The following KALRN variants were observed in gnomAD, a reference collection of about 807,000 sequenced individuals.
The protein encoded by KALRN is kalirin RhoGEF kinase.
A neutral mutation model predicts 353.7 loss-of-function variants in KALRN; 70 were observed. The ratio of observed to expected loss-of-function variants is 0.20; its 90% CI spans 0.16 to 0.24. The LOEUF is 0.24. Ranked by LOEUF, KALRN falls within the 10% of genes least tolerant of loss-of-function variation. The probability of loss-of-function intolerance (pLI) is 1.00; values close to 1 mark genes in which losing one functional copy is unlikely to be tolerated. For synonymous variants in KALRN, 1,391 were observed against 1,434.8 expected (o/e 0.97, Z 0.69); for missense variants, 2,791 against 3,756.7 (o/e 0.74, Z 6.72).
In KALRN at chr3:124,464,374, A is replaced by G. The variant is rs138406183; in HGVS notation, c.4031+1741A>G. Among the ~76,000 whole-genome samples, 581 of 152,356 alleles carry G rather than the reference A, an allele frequency of 3.8e-3. 1 individual carries two copies. The highest frequency in any genetic ancestry group is 6.8e-3 in the Middle Eastern group (2 of 294). On this transcript the variant is annotated intron_variant, in intron 25 of 59. Transcript: ENST00000682506. ...TTGATCACTTGTAACAAAATAGCTA[A>G]CATAATCATGCCTCTTATTCTGCTG...
chr3:124,546,553 G>A (rs1561263226), intron 33 of KALRN, among the ~76,000 whole-genome samples: 2 of 152,306 alleles, frequency 1.3e-5, no homozygotes, highest in South Asian at 4.1e-4. Flanking sequence ...ATAGAAGAGG[G>A]TTGTTGTGGA....
chr3:124,256,488 C>A (rs556747859), intron 3 of KALRN, among the ~76,000 whole-genome samples: 48 of 152,226 alleles, frequency 3.2e-4, no homozygotes, highest in African/African-American at 1.1e-3. Flanking sequence ...TAAGCCTTCT[C>A]CAAAGACATA....
At chr3:124,228,890 C>T (rs1409241465) in intron 2 of KALRN, among the ~76,000 whole-genome samples, 1 of 150,940 alleles carries the variant, frequency 6.6e-6, no homozygotes, top group Non-Finnish European at 1.5e-5. Flanking sequence ...TGCTGACATT[C>T]CTTGGCTTGT....
chr3:124,358,203 T>A (rs1262504549), intron 10 of KALRN, among the ~76,000 whole-genome samples: 2 of 152,112 alleles, frequency 1.3e-5, no homozygotes, highest in Non-Finnish European at 2.9e-5. Flanking sequence ...TAAAAAAAAA[T>A]TCAGATGAAG....
chr3:124,279,406 G>A (rs546647121), intron 5 of KALRN, among the ~76,000 whole-genome samples: 2 of 152,338 alleles, frequency 1.3e-5, no homozygotes, highest in Admixed American at 6.5e-5. Context: ...ATAGACTTGT[G>A]CTGGCCCATG....
intron 5 of KALRN, among the ~76,000 whole-genome samples, chr3:124,284,195 A>G (rs1033076274): frequency 1.3e-4 from 20 of 152,304 alleles, no homozygotes; most frequent in Admixed American, 1.2e-3. Flanking sequence ...AAATGCCTGT[A>G]TATCTGGGAG....
At chr3:124,133,871 AATC>A (rs2065603874) in intron 1 of KALRN, among the ~76,000 whole-genome samples, 1 of 152,212 alleles carries the variant, frequency 6.6e-6, no homozygotes, top group South Asian at 2.1e-4. Flanking sequence ...TGCTGAAAGA[AATC>A]ATAGATGACA....
At chr3:124,519,622 G>T (rs183000669) in intron 33 of KALRN, 1 of 985,386 alleles carries the variant, frequency 1.0e-6, no homozygotes, top group Admixed American at 6.1e-5. Context: ...CAATCTTATT[G>T]TGAGGATGTG....
At chr3:124,634,145 G>C (rs1346735050) in intron 36 of KALRN, among the ~76,000 whole-genome samples, 192 bp downstream of exon 36, 1 of 152,072 alleles carries the variant, frequency 6.6e-6, no homozygotes, top group Non-Finnish European at 1.5e-5. Flanking sequence ...CTTCATTCTA[G>C]GCAGTGGAGG....
intron 33 of KALRN, among the ~76,000 whole-genome samples, chr3:124,561,432 A>G (rs1252784208): frequency 6.6e-6 from 1 of 152,188 alleles, no homozygotes; most frequent in Non-Finnish European, 1.5e-5. Context: ...AGTCTGATGC[A>G]TTATTTTAAC....
chr3:124,614,329 C>G (rs1410614897), intron 34 of KALRN, among the ~76,000 whole-genome samples: 2 of 151,458 alleles, frequency 1.3e-5, no homozygotes, highest in African/African-American at 4.9e-5. Context: ...AGGGCAGTGG[C>G]TCGATCACGG....
intron 1 of KALRN, among the ~76,000 whole-genome samples, chr3:124,086,821 C>A (rs1394579677): frequency 6.6e-6 from 1 of 152,072 alleles, no homozygotes; most frequent in Non-Finnish European, 1.5e-5. Context: ...TCTCGGGAAC[C>A]CTCCCAGTAT....
rs371444404 is a variant in KALRN, at chr3:124,671,880, C to T, written c.6924C>T (p.Asp2308=). ...GGTTTGAATACCACCAGCCTGGGGA[C>T]AAGTTCGAAGCCAGCAAGGTAAGTG... ...SPGFEYHQPG[D]KFEASKNDLG... is the part of the protein sequence containing the mutation. Residue 2308 remains aspartate, a synonymous_variant, in exon 48 of 60, where the codon GAC becomes GAT. Transcript: ENST00000682506. 8.4e-5 allele frequency: 136 copies of T among 1,613,482 alleles called. No individual in the cohort carries two copies. Among genetic ancestry groups the T allele is most frequent in the Non-Finnish European group, 1.1e-4 (132 of 1,179,580 alleles).
At chr3:124,503,463 T>TTA (rs397705264) in intron 33 of KALRN, among the ~76,000 whole-genome samples, 1 of 151,480 alleles carries the variant, frequency 6.6e-6, no homozygotes, top group Non-Finnish European at 1.5e-5. Context: ...TTTTTTTTTT[T>TTA]AGCTTTCTTA....
At chr3:124,309,283 G>A (rs2078014896) in intron 6 of KALRN, among the ~76,000 whole-genome samples, 1 of 151,292 alleles carries the variant, frequency 6.6e-6, no homozygotes, top group African/African-American at 2.4e-5. Context: ...ACATGTCCCA[G>A]CTTACAAGGC....
At chr3:124,709,003 G>A (rs1228652662) in intron 57 of KALRN, among the ~76,000 whole-genome samples, 1 of 151,954 alleles carries the variant, frequency 6.6e-6, no homozygotes, top group Non-Finnish European at 1.5e-5. Context: ...GGAAAGAGCT[G>A]GCCACCAAGA....
At chr3:124,520,183 G>A (rs1161136126) in intron 33 of KALRN, among the ~76,000 whole-genome samples, 1 of 152,162 alleles carries the variant, frequency 6.6e-6, no homozygotes. Flanking sequence ...CCCCAGGAGG[G>A]AATGAGGGAG....
At chr3:124,612,597 A>G (rs1172257679) in intron 34 of KALRN, among the ~76,000 whole-genome samples, 3 of 152,122 alleles carry the variant, frequency 2.0e-5, no homozygotes, top group Non-Finnish European at 4.4e-5. Flanking sequence ...TCATCCTACC[A>G]AAGTGCTGGG....
At chr3:124,427,316 C>T (rs1413209957) in intron 15 of KALRN, among the ~76,000 whole-genome samples, 1 of 152,214 alleles carries the variant, frequency 6.6e-6, no homozygotes. Context: ...GAACACTGGA[C>T]ATATGACAGG....
Sources: allele counts gnomAD v4.1 joint callset (sites outside exome capture counted in the v4.1 genomes callset), GRCh38; gene constraint gnomAD v4.1.1; transcripts MANE v1.5; gene names NCBI Gene and HGNC (gene_info 2026-07-23, HGNC 2026-07-21).